DTD1: variants seen among roughly 807,000 people sequenced by gnomAD.
DTD1 encodes the protein D-tyrosyl-tRNA deacylase 1 homolog.
Under a neutral mutation model 25.6 loss-of-function variants are expected in DTD1, and 13 were observed. The observed-to-expected ratio is 0.51, with a 90% CI of 0.33 to 0.81. The LOEUF is 0.81. Among genes scored for constraint, DTD1 ranks in the 30% least tolerant of loss-of-function variants. DTD1 has a pLI of 0.02. For missense variants in DTD1, 193 were observed against 266.4 expected, an observed-to-expected ratio of 0.72 and a Z score of 1.92; for synonymous variants, 110 against 103.6, an observed-to-expected ratio of 1.06 and a Z score of -0.37.
At chr20:18,746,121 T>C (rs2061298964) in intron 5 of DTD1, among the ~76,000 whole-genome samples, 1 of 152,176 alleles carries the variant, frequency 6.6e-6, no homozygotes, top group Admixed American at 6.5e-5. Context: ...TTTGGGTGTG[T>C]TGTGTTTGAG....
intron 3 of DTD1, among the ~76,000 whole-genome samples, chr20:18,619,664 A>G (rs1451521493): frequency 2.6e-5 from 4 of 151,828 alleles, no homozygotes; most frequent in East Asian, 2.0e-4. Flanking sequence ...AGCTCAGGCT[A>G]TCTGCCCGCC....
At chr20:18,678,419 C>T (rs997973197) in intron 4 of DTD1, among the ~76,000 whole-genome samples, 1 of 152,150 alleles carries the variant, frequency 6.6e-6, no homozygotes, top group Admixed American at 6.5e-5. Context: ...CTAGGTTAGC[C>T]CACTGCCTAC....
rs11378992 is a variant in DTD1, at chr20:18,703,728, G to GTT, written c.478-40362_478-40361dup. 8.9e-3 allele frequency among the ~76,000 whole-genome samples: 1,011 copies of GTT among 113,212 alleles called. 8 individuals are homozygous for GTT. The highest frequency in any genetic ancestry group is 0.048 in the South Asian group (166 of 3,464). 74.3% of individuals were successfully genotyped at this position (113,212 alleles called of 152,430 possible). A position where few individuals can be genotyped will look rare whatever the true frequency, so the allele number is the denominator to read the frequency against. The stretch of plus-strand genomic sequence containing the variant: ...AATTTCTGCTTTTTCATAGTATTCA[G>GTT]TTTTTTTTTTTGTTTCTGTTTTCTT... On this transcript the variant is annotated intron_variant, in intron 4 of 5. Transcript: ENST00000377452.
At chr20:18,638,631 G>A (rs533228385) in intron 4 of DTD1, among the ~76,000 whole-genome samples, 81 of 152,310 alleles carry the variant, frequency 5.3e-4, no homozygotes, top group Non-Finnish European at 9.3e-4. Context: ...CAGAACCTGA[G>A]GCCAGAGCTG....
At chr20:18,597,046 A>G (rs1247550408) in intron 3 of DTD1, among the ~76,000 whole-genome samples, 1 of 151,982 alleles carries the variant, frequency 6.6e-6, no homozygotes, top group Non-Finnish European at 1.5e-5. Context: ...TATCATACAG[A>G]ATATTTTTTA....
At chr20:18,661,135 T>C (rs960535701) in intron 4 of DTD1, among the ~76,000 whole-genome samples, 22 of 152,304 alleles carry the variant, frequency 1.4e-4, no homozygotes, top group African/African-American at 5.1e-4. Context: ...TCACTCTATC[T>C]TGATCACTGT....
chr20:18,603,050 C>A (rs1265783395), intron 3 of DTD1, among the ~76,000 whole-genome samples: 5 of 97,022 alleles, frequency 5.2e-5, no homozygotes, highest in Admixed American at 2.2e-4. Context: ...CAGAGACACA[C>A]ATAGGCTCAA....
chr20:18,606,321 C>G (rs1017139281), intron 3 of DTD1, among the ~76,000 whole-genome samples: 29 of 131,514 alleles, frequency 2.2e-4, no homozygotes, highest in African/African-American at 7.1e-4. Flanking sequence ...CACTTTTACA[C>G]TGTTGGTGGG....
intron 3 of DTD1, among the ~76,000 whole-genome samples, chr20:18,618,338 T>G (rs1388219578): frequency 6.6e-6 from 1 of 151,946 alleles, no homozygotes; most frequent in East Asian, 1.9e-4. Flanking sequence ...GCTTTGTCCT[T>G]TTTTTGTTTT....
intron 5 of DTD1, among the ~76,000 whole-genome samples, chr20:18,751,586 A>G (rs763626972): frequency 5.9e-5 from 9 of 151,596 alleles, no homozygotes; most frequent in Non-Finnish European, 8.8e-5. Context: ...TCCACCTCCC[A>G]GGTTCAAGCG....
At chr20:18,708,680 A>G (rs2061146067) in intron 4 of DTD1, among the ~76,000 whole-genome samples, 1 of 151,906 alleles carries the variant, frequency 6.6e-6, no homozygotes, top group African/African-American at 2.4e-5. Context: ...ACATTTCTAA[A>G]CACTCCCATT....
intron 4 of DTD1, among the ~76,000 whole-genome samples, chr20:18,708,335 T>A (rs1181571422): frequency 6.8e-5 from 5 of 74,060 alleles, no homozygotes; most frequent in South Asian, 3.5e-4. Context: ...TATATATATT[T>A]TATATATATA....
At chr20:18,705,667 CG>C (rs918059335) in intron 4 of DTD1, among the ~76,000 whole-genome samples, 2 of 151,880 alleles carry the variant, frequency 1.3e-5, no homozygotes, top group Non-Finnish European at 1.5e-5. Context: ...ATGAGCTGGA[CG>C]GAAGTGATTC....
At chr20:18,631,766 C>A in intron 4 of DTD1, 1 of 985,252 alleles carries the variant, frequency 1.0e-6, no homozygotes, top group Non-Finnish European at 1.2e-6. Flanking sequence ...GATCATTATT[C>A]CATAGTTTTT....
At chr20:18,703,407 C>T (rs1693856310) in intron 4 of DTD1, among the ~76,000 whole-genome samples, 1 of 151,978 alleles carries the variant, frequency 6.6e-6, no homozygotes, top group African/African-American at 2.4e-5. Context: ...AATCTAAATT[C>T]CCTTGCCTTT....
chr20:18,612,864 G>A (rs1384763550), intron 3 of DTD1, among the ~76,000 whole-genome samples: 1 of 152,032 alleles, frequency 6.6e-6, no homozygotes, highest in Non-Finnish European at 1.5e-5. Flanking sequence ...TCACCATGTT[G>A]GCCAGGTTGG....
chr20:18,729,987 C>A (rs1370140357), intron 4 of DTD1, among the ~76,000 whole-genome samples: 1 of 152,050 alleles, frequency 6.6e-6, no homozygotes, highest in Non-Finnish European at 1.5e-5. Flanking sequence ...GTCTTTTCTT[C>A]TAGGTGGGGC....
intron 5 of DTD1, among the ~76,000 whole-genome samples, chr20:18,757,483 T>G (rs1020357857): frequency 2.6e-5 from 4 of 152,176 alleles, no homozygotes; most frequent in African/African-American, 9.7e-5. Context: ...TAGCATGAAG[T>G]GCTGTTGAAT....
At chr20:18,597,199 GTA>G (rs1420579581) in intron 3 of DTD1, among the ~76,000 whole-genome samples, 1 of 103,726 alleles carries the variant, frequency 9.6e-6, no homozygotes, top group African/African-American at 3.5e-5. Flanking sequence ...GTGTGTGTGT[GTA>G]TAGAGAGAAG....
Sources: allele counts gnomAD v4.1 joint callset (sites outside exome capture counted in the v4.1 genomes callset), GRCh38; gene constraint gnomAD v4.1.1; transcripts MANE v1.5; gene names NCBI Gene and HGNC (gene_info 2026-07-23, HGNC 2026-07-21).